RBM5: variants seen among roughly 807,000 people sequenced by gnomAD.
The protein encoded by RBM5 is RNA binding motif protein 5.
RBM5 carries 15 observed loss-of-function variants against 124.6 expected under a neutral mutation model. The ratio of observed to expected loss-of-function variants is 0.12; its 90% confidence interval spans 0.08 to 0.19. The LOEUF (loss-of-function observed/expected upper bound fraction) is 0.19, where lower values mean the gene tolerates loss of function less well. Among genes scored for constraint, RBM5 ranks in the 10% least tolerant of loss-of-function variants. RBM5 has a pLI of 1.00. For missense variants in RBM5, 580 were observed against 1,026.5 expected, an observed-to-expected ratio of 0.57 and a Z score of 5.94; for synonymous variants, 337 against 361.2, an observed-to-expected ratio of 0.93 and a Z score of 0.76.
At position 50,100,935 on chromosome 3, in the gene RBM5, CAA is replaced by C. The variant is rs1451568258; in HGVS notation, c.483+332_483+333del. ...TCCATTGAGAGTAAGCTTAGTATAT[CAA>C]ACTCTCCATTTGACAGTGAAGAGAA... On this transcript the variant is annotated intron_variant, in intron 6 of 24. Coordinates refer to ENST00000347869, the MANE Select transcript of RBM5 (RefSeq NM_005778.4). This position sits in a 1 kb window ranked among gnomAD's most constrained non-coding sequence, Gnocchi z 5.1. 1.5e-5 allele frequency: 3 copies of C among 206,720 alleles called. No individual in the cohort carries two copies. The East Asian group carries it at 3.3e-4, about 23-fold the overall frequency. The allele number at this position is 206,720 out of a possible 1,614,324, so 12.8% of individuals were successfully genotyped here.
intron 3 of RBM5, among the ~76,000 whole-genome samples, chr3:50,093,487 C>G (rs1159638166): frequency 6.6e-6 from 1 of 150,910 alleles, no homozygotes; most frequent in African/African-American, 2.4e-5. Context: ...TGCCTATAAT[C>G]CCAGCACTTT....
intron 8 of RBM5, 26 bp downstream of exon 8, chr3:50,104,334 A>G (rs2090993617): frequency 1.9e-6 from 3 of 1,608,224 alleles, no homozygotes; most frequent in East Asian, 2.2e-5. Flanking sequence ...GCTGTTTGCA[A>G]TATGCATTAA....
chr3:50,116,973 A>T lies in RBM5; in HGVS notation c.2095-101A>T, dbSNP rs887976767. The T allele has an allele frequency of 2.5e-5, 27 of 1,100,342 alleles. No individual in the cohort carries two copies. The Middle Eastern group carries it at 6.2e-4, about 25-fold the overall frequency. 68.2% of individuals were successfully genotyped at this position (1,100,342 alleles called of 1,614,324 possible). ...GAGCAGTCTAAAAAAAGCATTCTTC[A>T]GATTTAAAAATACTTGAGGGGATAG... On this transcript the variant is annotated intron_variant, in intron 22 of 24. Coordinates refer to ENST00000347869, the MANE Select transcript of RBM5 (RefSeq NM_005778.4).
chr3:50,093,019 A>T (rs779894489), intron 3 of RBM5: 3 of 229,502 alleles, frequency 1.3e-5, no homozygotes, highest in South Asian at 1.0e-4. Flanking sequence ...CAGTGGTGCG[A>T]CCTCAGCTAC....
At position 50,103,097 on chromosome 3, in the gene RBM5, T is replaced by G; in HGVS notation, c.498T>G (p.Ile166Met). 1 of 1,609,870 alleles carries G rather than the reference T, an allele frequency of 6.2e-7. No homozygotes were observed. The highest frequency in any genetic ancestry group is 8.5e-7 in the Non-Finnish European group (1 of 1,176,370). ...TTTTCTTACAGAAAAAGTTGGTGAT[T>G]CAAGGAAAGCACATTGCAATGCATT... ...WMEANQKKLV[I>M]QGKHIAMHYS... The change falls in exon 7 of 25, where the codon ATT becomes ATG. Residue 166 changes from isoleucine (I) to methionine (M), a missense_variant. By Grantham distance (10) the Ile-to-Met change is conservative (BLOSUM62 1). This residue lies in a region of RBM5 where 101 missense variants were observed against 223.2 expected (regional missense o/e 0.45). Coordinates refer to ENST00000347869, the MANE Select transcript of RBM5 (RefSeq NM_005778.4).
intron 3 of RBM5, chr3:50,092,777 A>T: frequency 2.2e-6 from 1 of 450,992 alleles, no homozygotes; most frequent in Non-Finnish European, 4.4e-6. Flanking sequence ...GGCCAGGCAC[A>T]GTGGCTCACA....
At chr3:50,099,097 A>G (rs1264734127) in intron 4 of RBM5, among the ~76,000 whole-genome samples, 1 of 152,106 alleles carries the variant, frequency 6.6e-6, no homozygotes, top group Non-Finnish European at 1.5e-5. Flanking sequence ...TCTACAAAAA[A>G]TACAAAAATT....
Position 50,096,789 on chromosome 3 carries a change from T to C in RBM5, c.339+2914T>C, listed in dbSNP as rs149646072. Among the ~76,000 whole-genome samples, 1,069 of 151,510 alleles carry C rather than the reference T, an allele frequency of 7.1e-3. 15 individuals are homozygous for C. The highest frequency in any genetic ancestry group is 0.025 in the African/African-American group (1,019 of 41,260). ...TTTTTATCGTTTGTTTTTTTTTTTG[T>C]AGAGACAAGGTCTCTCTTTATTGCC... is the stretch of plus-strand genomic sequence containing the variant. On this transcript the variant is annotated intron_variant, in intron 4 of 24. Transcript: ENST00000347869.
At position 50,105,841 on chromosome 3, in the gene RBM5, CT is replaced by C. The variant is rs1279858004; in HGVS notation, c.855+133del. On this transcript the variant is annotated intron_variant, in intron 10 of 24. Transcript: ENST00000347869. ...AGGCTCCCTAATGACAGTTTTTGCA[CT>C]GCTAAATTACAGGACTGATGACTTC... is the stretch of plus-strand genomic sequence containing the variant. 3.0e-5 allele frequency: 29 copies of C among 951,440 alleles called. No individual in the cohort carries two copies. In the South Asian group the frequency reaches 4.6e-4, roughly 15 times the overall value. The allele number at this position is 951,440 out of a possible 1,614,324, so 58.9% of individuals were successfully genotyped here.
rs373130406 is a variant in RBM5, at chr3:50,100,093, C to A, written c.409+42C>A. ...TTCCTGATATTATTGTTCTCTTCCC[C>A]ATTCCCACCTCAGTCCCTAAAGAAC... On this transcript the variant is annotated intron_variant, in intron 5 of 24. Coordinates refer to ENST00000347869, the MANE Select transcript of RBM5 (RefSeq NM_005778.4). The surrounding 1 kb of genome is among the most constrained non-coding windows in gnomAD (Gnocchi z 5.1). The A allele has an allele frequency of 1.9e-6, 3 of 1,553,358 alleles. No homozygotes were observed. In the Admixed American group the frequency reaches 5.1e-5, roughly 27 times the overall value.
chr3:50,090,882 A>G (rs1403386386), intron 2 of RBM5, among the ~76,000 whole-genome samples: 5 of 152,220 alleles, frequency 3.3e-5, no homozygotes, highest in Non-Finnish European at 7.3e-5. Context: ...GTAAGCAATC[A>G]ATGAATGCCA....
intron 14 of RBM5, among the ~76,000 whole-genome samples, chr3:50,109,097 G>A (rs965079252): frequency 2.6e-5 from 4 of 151,270 alleles, no homozygotes; most frequent in South Asian, 2.1e-4. Context: ...TTTTTGAGAC[G>A]GAGTCTCGCT....
chr3:50,111,075 C>T lies in RBM5; in HGVS notation c.1455+305C>T, dbSNP rs118030924. 6.4e-4 allele frequency among the ~76,000 whole-genome samples: 98 copies of T among 152,312 alleles called. 2 individuals are homozygous for T. The East Asian group carries it at 0.016, about 25-fold the overall frequency. ...GTGTATATACACCACCACTTATTCC[C>T]AGCCCACCTAATCCTCATGCCCATT... On this transcript the variant is annotated intron_variant, in intron 17 of 24. Transcript: ENST00000347869.
intron 22 of RBM5, 26 bp downstream of exon 22, chr3:50,116,006 A>C (rs1397664500): frequency 6.3e-7 from 1 of 1,583,826 alleles, no homozygotes; most frequent in South Asian, 1.1e-5. Flanking sequence ...TGCCACAAGG[A>C]AGAGGATATT....
Position 50,100,623 on chromosome 3 carries a change from G to A in RBM5, c.483+18G>A, listed in dbSNP as rs1196049639. On this transcript the variant is annotated intron_variant, in intron 6 of 24. Transcript: ENST00000347869. The surrounding 1 kb of genome is among the most constrained non-coding windows in gnomAD (Gnocchi z 5.1). ...CCAATCAGGTTGCTTCACTCACCAA[G>A]TCTAGATATTCATGAAAATGGAACA... 3.8e-6 allele frequency: 6 copies of A among 1,571,694 alleles called. No homozygotes were observed. Among genetic ancestry groups the A allele is most frequent in the Middle Eastern group, 1.7e-4 (1 of 5,986 alleles).
Position 50,118,454 on chromosome 3 carries a change from TGAGAGAGAGAGA to T in RBM5, c.*9_*20del. The stretch of plus-strand genomic sequence containing the variant: ...GTTTGCCCGGTTCACTGAGATGGAG[TGAGAGAGAGAGA>T]GAGAGAGAGATGACAAGGAGCACAA... On this transcript the variant is annotated stop_retained_variant and 3_prime_UTR_variant, in exon 25 of 25. Transcript: ENST00000347869. 6.3e-7 allele frequency: 1 copy of T among 1,575,832 alleles called. No homozygotes were observed. The highest frequency in any genetic ancestry group is 8.7e-7 in the Non-Finnish European group (1 of 1,152,846).
Position 50,115,505 on chromosome 3 carries a change from G to C in RBM5, c.1917G>C (p.Glu639Asp). ...ELVERLESEEEKLADWKKMAC... is the reference protein window; with the variant it reads ...ELVERLESEEDKLADWKKMAC... ...TGGAGAGACTTGAGAGTGAGGAAGA[G>C]AAGCTAGCTGACTGGAAGAAGATGG... The change falls in exon 21 of 25, where the codon GAG becomes GAC. Residue 639 changes from glutamate (E) to aspartate (D), a missense_variant. By Grantham distance (45) the Glu-to-Asp change is conservative (BLOSUM62 2). Around this residue, in one of 6 missense-constraint regions of RBM5, gnomAD observed 234 missense variants for 435.1 expected, o/e 0.54. Coordinates refer to ENST00000347869, the MANE Select transcript of RBM5 (RefSeq NM_005778.4). The C allele has an allele frequency of 6.2e-7, 1 of 1,614,114 alleles. No individual in the cohort carries two copies. The highest frequency in any genetic ancestry group is 8.5e-7 in the Non-Finnish European group (1 of 1,180,022).
intron 9 of RBM5, 54 bp downstream of exon 9, chr3:50,105,196 C>T: frequency 7.0e-7 from 1 of 1,419,574 alleles, no homozygotes; most frequent in Non-Finnish European, 9.9e-7. Flanking sequence ...CCTCAGTTGT[C>T]AGGAGATGGA....
intron 12 of RBM5, 44 bp downstream of exon 12, chr3:50,107,613 G>T (rs747217922): frequency 7.0e-7 from 1 of 1,420,790 alleles, no homozygotes; most frequent in Non-Finnish European, 9.9e-7. Flanking sequence ...TGGTGGTGGT[G>T]CCCAGATTCA....
Sources: gnomAD v4.1 joint callset for allele counts (sites outside exome capture counted in the v4.1 genomes callset) on GRCh38, gnomAD v4.1.1 for gene constraint, gnomAD v4.1.1 regional missense constraint, Gnocchi (gnomAD v3.1) non-coding constraint, MANE v1.5 for transcripts, NCBI Gene and HGNC (gene_info 2026-07-23, HGNC 2026-07-21) for gene names.